The following BNC2 variants were observed in gnomAD, a reference collection of about 807,000 sequenced individuals.
BNC2 encodes zinc finger protein basonuclin-2.
A neutral mutation model predicts 76.3 loss-of-function variants in BNC2; 20 were observed. The ratio of observed to expected loss-of-function variants is 0.26; its 90% CI spans 0.18 to 0.38. The LOEUF (loss-of-function observed/expected upper bound fraction) is 0.38, where lower values mean the gene tolerates loss of function less well. Among genes scored for constraint, BNC2 ranks in the 10% least tolerant of loss-of-function variants. The probability of loss-of-function intolerance (pLI) is 1.00; values close to 1 mark genes in which losing one functional copy is unlikely to be tolerated. For synonymous variants in BNC2, 582 were observed against 514.8 expected (o/e 1.13, Z -1.77); for missense variants, 1,382 against 1,399.8 (o/e 0.99, Z 0.20).
chr9:16,457,416 C>G (rs1821476538), intron 5 of BNC2, among the ~76,000 whole-genome samples: 1 of 152,116 alleles, frequency 6.6e-6, no homozygotes, highest in Admixed American at 6.5e-5. Flanking sequence ...ACCTAAGACT[C>G]ACTACAGTGA....
chr9:16,746,685 G>C (rs1311630205), intron 1 of BNC2, among the ~76,000 whole-genome samples: 1 of 151,238 alleles, frequency 6.6e-6, no homozygotes, highest in Non-Finnish European at 1.5e-5. Flanking sequence ...ATTCGGCCAG[G>C]GGCAGTGTGG....
At chr9:16,525,266 A>C (rs2132132577) in intron 5 of BNC2, among the ~76,000 whole-genome samples, 1 of 152,276 alleles carries the variant, frequency 6.6e-6, no homozygotes, top group East Asian at 1.9e-4. Context: ...AAAAAAGAAA[A>C]CCAACTACGC....
chr9:16,789,100 T>G (rs997439102), intron 1 of BNC2, among the ~76,000 whole-genome samples: 1 of 152,140 alleles, frequency 6.6e-6, no homozygotes, highest in Non-Finnish European at 1.5e-5. Context: ...CTCAGAAGTA[T>G]TATGCTAAAG....
intron 1 of BNC2, among the ~76,000 whole-genome samples, chr9:16,794,947 T>A (rs1817605293): frequency 6.6e-6 from 1 of 151,432 alleles, no homozygotes; most frequent in African/African-American, 2.4e-5. Context: ...GGGCCTTTAG[T>A]GATAAGTTCA....
intron 3 of BNC2, among the ~76,000 whole-genome samples, chr9:16,593,748 A>C (rs1819995162): frequency 6.6e-6 from 1 of 152,118 alleles, no homozygotes; most frequent in Non-Finnish European, 1.5e-5. Context: ...TAATAACATA[A>C]ATAGAAAGTA....
At chr9:16,847,066 G>T (rs890805294) in intron 1 of BNC2, among the ~76,000 whole-genome samples, 1 of 152,142 alleles carries the variant, frequency 6.6e-6, no homozygotes, top group Non-Finnish European at 1.5e-5. Context: ...TTGCTGCATG[G>T]TAGAAAATGA....
chr9:16,836,749 T>A (rs1004129039), intron 1 of BNC2, among the ~76,000 whole-genome samples: 1 of 152,028 alleles, frequency 6.6e-6, no homozygotes, highest in Non-Finnish European at 1.5e-5. Flanking sequence ...GTAAAAATTA[T>A]CTAATAATAC....
At chr9:16,805,282 T>G (rs963503168) in intron 1 of BNC2, among the ~76,000 whole-genome samples, 1 of 152,164 alleles carries the variant, frequency 6.6e-6, no homozygotes, top group Admixed American at 6.5e-5. Flanking sequence ...GCCAAACACA[T>G]GAATTCCCTG....
chr9:16,859,770 CT>C (rs2136200480), intron 1 of BNC2, among the ~76,000 whole-genome samples: 1 of 152,316 alleles, frequency 6.6e-6, no homozygotes, highest in South Asian at 2.1e-4. Flanking sequence ...TGAAAATGTT[CT>C]AGAGATCTGC....
chr9:16,754,963 C>A (rs180839015), intron 1 of BNC2, among the ~76,000 whole-genome samples: 25 of 152,288 alleles, frequency 1.6e-4, no homozygotes, highest in Non-Finnish European at 3.1e-4. Context: ...TTCTTCCCAA[C>A]AAGATACTTC....
chr9:16,617,449 T>C (rs1371303730), intron 3 of BNC2, among the ~76,000 whole-genome samples: 2 of 150,958 alleles, frequency 1.3e-5, no homozygotes, highest in African/African-American at 4.9e-5. Context: ...TAGAGTTTCC[T>C]CAGCTACACT....
intron 3 of BNC2, among the ~76,000 whole-genome samples, chr9:16,620,794 G>A (rs930944171): frequency 6.6e-6 from 1 of 152,150 alleles, no homozygotes; most frequent in Non-Finnish European, 1.5e-5. Flanking sequence ...GTAGATGAGT[G>A]AATATTTAAA....
chr9:16,419,291 C>T lies in BNC2; in HGVS notation c.2998G>A (p.Gly1000Arg), dbSNP rs778028950. Residue 1000 changes from glycine (G) to arginine (R), a missense_variant, in exon 7 of 7, where the codon GGG becomes AGG. By Grantham distance (125) the Gly-to-Arg change is moderately radical. This residue lies in a region of BNC2 where 798 missense variants were observed against 775.5 expected (regional missense o/e 1.03). Transcript: ENST00000380672. ...LDDIDGASDS[G>R]ESAHKAEAPA... ...GCCTCGGCCTTGTGTGCCGACTCCC[C>T]ACTGTCACTCGCCCCGTCAATGTCA... The T allele has an allele frequency of 6.2e-7, 1 of 1,614,106 alleles. No individual in the cohort carries two copies. Among genetic ancestry groups the T allele is most frequent in the Admixed American group, 1.7e-5 (1 of 60,028 alleles).
At chr9:16,811,237 A>AAAAAAAAAAAAAAAAAAAAAAACC (rs796981394) in intron 1 of BNC2, among the ~76,000 whole-genome samples, 1 of 145,338 alleles carries the variant, frequency 6.9e-6, no homozygotes, top group African/African-American at 2.7e-5. Flanking sequence ...GACCAAAAAA[A>AAAAAAAAAAAAAAAAAAAAAAACC]AAAAAAACCA....
intron 1 of BNC2, among the ~76,000 whole-genome samples, chr9:16,787,641 A>G (rs1826332749): frequency 6.6e-6 from 1 of 152,166 alleles, no homozygotes; most frequent in African/African-American, 2.4e-5. Flanking sequence ...TTTGTGGTGA[A>G]TCACCTAAAG....
chr9:16,830,173 G>A (rs983919136), intron 1 of BNC2, among the ~76,000 whole-genome samples: 1 of 151,962 alleles, frequency 6.6e-6, no homozygotes, highest in South Asian at 2.1e-4. Context: ...AATATCTAAC[G>A]GTTTTCCAAC....
intron 1 of BNC2, among the ~76,000 whole-genome samples, chr9:16,831,258 A>T (rs1435507808): frequency 1.3e-5 from 2 of 152,226 alleles, no homozygotes; most frequent in African/African-American, 4.8e-5. Flanking sequence ...AAAATGCCAA[A>T]CATTTAAGCC....
intron 1 of BNC2, among the ~76,000 whole-genome samples, chr9:16,742,169 T>G (rs960986191): frequency 7.9e-5 from 12 of 152,200 alleles, no homozygotes; most frequent in South Asian, 4.1e-4. Flanking sequence ...TGGTCTAATG[T>G]CTATGAATTT....
At chr9:16,705,279 C>A (rs1218743056) in intron 3 of BNC2, among the ~76,000 whole-genome samples, 3 of 152,158 alleles carry the variant, frequency 2.0e-5, no homozygotes, top group Admixed American at 6.5e-5. Flanking sequence ...CTAGTCACAA[C>A]AGACTACATC....
Sources: allele counts gnomAD v4.1 joint callset (sites outside exome capture counted in the v4.1 genomes callset), GRCh38; gene constraint gnomAD v4.1.1; regional missense constraint gnomAD v4.1.1; transcripts MANE v1.5; gene names NCBI Gene and HGNC (gene_info 2026-07-23, HGNC 2026-07-21).